Variants in DCLK1 observed in about 807,000 individuals in gnomAD.
DCLK1 encodes the protein serine/threonine-protein kinase DCLK1.
A neutral mutation model predicts 86.2 loss-of-function variants in DCLK1; 16 were observed. The ratio of observed to expected loss-of-function variants is 0.19; its 90% confidence interval spans 0.13 to 0.28. DCLK1 has a LOEUF of 0.28. Among genes scored for constraint, DCLK1 ranks in the 10% least tolerant of loss-of-function variants. The probability of loss-of-function intolerance (pLI) is 1.00; values close to 1 mark genes in which losing one functional copy is unlikely to be tolerated. For missense variants in DCLK1, 590 were observed against 940.2 expected, an observed-to-expected ratio of 0.63 and a Z score of 4.87; for synonymous variants, 369 against 370.5, an observed-to-expected ratio of 1.00 and a Z score of 0.05.
intron 3 of DCLK1, among the ~76,000 whole-genome samples, chr13:36,069,163 T>C (rs1425651172): frequency 2.0e-5 from 3 of 152,138 alleles, no homozygotes; most frequent in African/African-American, 7.2e-5. Context: ...AGAAAGAAAC[T>C]AGGCACAAAG....
chr13:35,892,833 T>G (rs1271532555), intron 4 of DCLK1, among the ~76,000 whole-genome samples: 1 of 152,222 alleles, frequency 6.6e-6, no homozygotes, highest in Non-Finnish European at 1.5e-5. Context: ...CTTTACCTGT[T>G]CACTTGTATA....
At chr13:35,950,378 T>C (rs1345197830) in intron 3 of DCLK1, among the ~76,000 whole-genome samples, 1 of 152,210 alleles carries the variant, frequency 6.6e-6, no homozygotes, top group Non-Finnish European at 1.5e-5. Context: ...CCCTCTTCTT[T>C]AGACAAATGT....
Position 35,822,741 on chromosome 13 carries a change from T to C in DCLK1, c.1542A>G (p.Pro514=), listed in dbSNP as rs146035571. ...SLNIVHRDIK[P]ENLLVYEHQD... ...GAATTCCTCTTACCAGCAGGTTCTCTGGCTTGATATCACGGTGGACGATGT... is the reference window on the plus strand; with the variant it reads ...GAATTCCTCTTACCAGCAGGTTCTCCGGCTTGATATCACGGTGGACGATGT... Residue 514 remains proline (P), a synonymous_variant, in exon 11 of 17, where the codon CCA becomes CCG. Transcript: ENST00000360631. The C allele has an allele frequency of 5.3e-5, 85 of 1,614,104 alleles. No homozygotes were observed. In the Middle Eastern group the frequency reaches 6.6e-4, roughly 13 times the overall value.
intron 4 of DCLK1, among the ~76,000 whole-genome samples, chr13:35,920,654 C>T (rs1261567370): frequency 6.6e-6 from 1 of 152,106 alleles, no homozygotes; most frequent in Non-Finnish European, 1.5e-5. Context: ...GTCCTACACA[C>T]ACTGGTTCAT....
chr13:35,990,018 C>T (rs558942329), intron 3 of DCLK1, among the ~76,000 whole-genome samples: 4 of 152,120 alleles, frequency 2.6e-5, no homozygotes, highest in South Asian at 2.1e-4. Flanking sequence ...GTCTTAATTA[C>T]ATTTTTTACA....
intron 15 of DCLK1, among the ~76,000 whole-genome samples, chr13:35,801,307 T>C (rs1383239036): frequency 6.6e-6 from 1 of 152,246 alleles, no homozygotes; most frequent in African/African-American, 2.4e-5. Context: ...CATCAACAAA[T>C]GCTAAATGCT....
At chr13:36,101,115 A>G (rs1341608815) in intron 3 of DCLK1, among the ~76,000 whole-genome samples, 3 of 152,174 alleles carry the variant, frequency 2.0e-5, no homozygotes, top group African/African-American at 4.8e-5. Flanking sequence ...CACAGAAGAC[A>G]CCCGGAAGCA....
At position 35,775,992 on chromosome 13, in the gene DCLK1, GA is replaced by G. The variant is rs1391163929; in HGVS notation, c.2059-1294del. ...CGTTAGGCTGAACTGCTCTACTTCAGAAACTATCCACACACTGAATGAACAG... is the reference window on the plus strand; with the variant it reads ...CGTTAGGCTGAACTGCTCTACTTCAGAACTATCCACACACTGAATGAACAG... On this transcript the variant is annotated intron_variant, in intron 16 of 16. Transcript: ENST00000360631. Among the ~76,000 whole-genome samples the G allele has an allele frequency of 2.0e-5, 3 of 152,290 alleles. No individual in the cohort carries two copies. The East Asian group carries it at 5.8e-4, about 29-fold the overall frequency.
intron 3 of DCLK1, among the ~76,000 whole-genome samples, chr13:35,978,299 G>A (rs1879459402): frequency 7.0e-6 from 1 of 142,976 alleles, no homozygotes; most frequent in Non-Finnish European, 1.5e-5. Flanking sequence ...TCTGCCTCTT[G>A]GGTTTAAGCT....
intron 4 of DCLK1, among the ~76,000 whole-genome samples, chr13:35,930,671 C>A (rs576195047): frequency 6.6e-6 from 1 of 152,028 alleles, no homozygotes; most frequent in Admixed American, 6.5e-5. Context: ...TAATTGGGAC[C>A]CCATTAGACT....
At chr13:35,837,230 T>A (rs1315480305) in intron 7 of DCLK1, among the ~76,000 whole-genome samples, 3 of 152,240 alleles carry the variant, frequency 2.0e-5, no homozygotes, top group Non-Finnish European at 4.4e-5. Flanking sequence ...TTCTTCTCGA[T>A]TTATGATGAT....
intron 4 of DCLK1, among the ~76,000 whole-genome samples, chr13:35,909,036 C>T (rs759803622): frequency 1.9e-4 from 29 of 152,162 alleles, no homozygotes; most frequent in Non-Finnish European, 3.2e-4. Context: ...TGTTTCCAGA[C>T]GCTTTCATAT....
intron 8 of DCLK1, among the ~76,000 whole-genome samples, chr13:35,834,169 G>A (rs1406394963): frequency 6.6e-6 from 1 of 152,064 alleles, no homozygotes; most frequent in Non-Finnish European, 1.5e-5. Context: ...GGGGTTTTCT[G>A]CTACAGTAGA....
intron 6 of DCLK1, chr13:35,850,907 G>C: frequency 1.5e-6 from 1 of 689,600 alleles, no homozygotes; most frequent in Non-Finnish European, 2.2e-6. Context: ...CACCAACTTG[G>C]ATTAGGAGGA....
chr13:36,101,592 A>G (rs150159999), intron 3 of DCLK1, among the ~76,000 whole-genome samples: 2 of 152,276 alleles, frequency 1.3e-5, no homozygotes, highest in East Asian at 1.9e-4. Flanking sequence ...TTAAATGTGA[A>G]TATACACAGC....
chr13:35,846,880 A>G (rs1870216261), intron 6 of DCLK1: 2 of 985,234 alleles, frequency 2.0e-6, no homozygotes, highest in Non-Finnish European at 1.2e-6. Flanking sequence ...AAATTTGTCA[A>G]CAGTTTAGAG....
At chr13:35,993,602 G>A (rs1426741043) in intron 3 of DCLK1, among the ~76,000 whole-genome samples, 1 of 152,076 alleles carries the variant, frequency 6.6e-6, no homozygotes, top group Non-Finnish European at 1.5e-5. Flanking sequence ...TCTACACATT[G>A]GGGGATGAGG....
At chr13:36,020,597 T>C (rs1881734680) in intron 3 of DCLK1, among the ~76,000 whole-genome samples, 1 of 151,968 alleles carries the variant, frequency 6.6e-6, no homozygotes, top group Admixed American at 6.6e-5. Context: ...TGAAGAAAAA[T>C]GAACAGTCCC....
chr13:35,799,336 C>T (rs2086874036), intron 15 of DCLK1, among the ~76,000 whole-genome samples: 1 of 152,174 alleles, frequency 6.6e-6, no homozygotes, highest in Non-Finnish European at 1.5e-5. Flanking sequence ...ACCGCAACCT[C>T]TGCCTCCCGG....
Sources: gnomAD v4.1 joint callset for allele counts (sites outside exome capture counted in the v4.1 genomes callset) on GRCh38, gnomAD v4.1.1 for gene constraint, MANE v1.5 for transcripts, NCBI Gene and HGNC (gene_info 2026-07-23, HGNC 2026-07-21) for gene names.